The following GPATCH2L variants were observed in gnomAD, a reference collection of about 807,000 sequenced individuals.
The protein encoded by GPATCH2L is G patch domain-containing protein 2-like.
GPATCH2L carries 31 observed loss-of-function variants against 57.4 expected under a neutral mutation model. That is an observed-to-expected ratio of 0.54 (90% confidence interval 0.41 to 0.73). The LOEUF (loss-of-function observed/expected upper bound fraction) is 0.73, where lower values mean the gene tolerates loss of function less well. Ranked by LOEUF, GPATCH2L falls within the 30% of genes least tolerant of loss-of-function variation. The pLI, the probability that GPATCH2L is intolerant of heterozygous loss-of-function variation, is 0.00. For synonymous variants in GPATCH2L, 199 were observed against 210.7 expected (o/e 0.94, Z 0.48); for missense variants, 481 against 599.9 (o/e 0.80, Z 2.07).
Position 76,213,316 on chromosome 14 carries a change from A to C in GPATCH2L, c.*11465A>C, listed in dbSNP as rs569141812. ...GGATTAAATGGATAATTTTCCAGGAAGGTATAGTTTGCCAAAAAATGACAT... is the reference window on the plus strand; with the variant it reads ...GGATTAAATGGATAATTTTCCAGGACGGTATAGTTTGCCAAAAAATGACAT... On this transcript the variant is annotated 3_prime_UTR_variant, in exon 10 of 10. Coordinates refer to ENST00000261530, the MANE Select transcript of GPATCH2L (RefSeq NM_017926.4). The C allele has an allele frequency of 1.3e-5, 2 of 152,310 alleles. No individual in the cohort carries two copies. Among genetic ancestry groups the C allele is most frequent in the African/African-American group, 4.8e-5 (2 of 41,576 alleles). 9.4% of individuals were successfully genotyped at this position (152,310 alleles called of 1,614,324 possible).
Position 76,207,069 on chromosome 14 carries a change from C to T in GPATCH2L, c.*5218C>T, listed in dbSNP as rs2040387229. On this transcript the variant is annotated 3_prime_UTR_variant, in exon 10 of 10. Transcript: ENST00000261530. Reference sequence around the variant, plus strand: ...GTGACTCACGCCCATAATCCCAACACTTTGGGAGGCCAGGGCGGGAGGATT... The same window carrying T: ...GTGACTCACGCCCATAATCCCAACATTTTGGGAGGCCAGGGCGGGAGGATT... The T allele has an allele frequency of 6.6e-6, 1 of 152,280 alleles. No homozygotes were observed. Among genetic ancestry groups the T allele is most frequent in the Non-Finnish European group, 1.5e-5 (1 of 68,088 alleles). 9.4% of individuals were successfully genotyped at this position (152,280 alleles called of 1,614,324 possible).
chr14:76,179,261 G>C (rs2039465788), intron 7 of GPATCH2L: 1 of 152,152 alleles, frequency 6.6e-6, no homozygotes, highest in Non-Finnish European at 1.5e-5. Flanking sequence ...GTGTACATTG[G>C]AAAAGATGTA....
At position 76,195,815 on chromosome 14, in the gene GPATCH2L, A is replaced by C; in HGVS notation, c.1194-63A>C. 3.3e-6 allele frequency: 4 copies of C among 1,215,780 alleles called. No individual in the cohort carries two copies. The South Asian group carries it at 3.6e-5, about 11-fold the overall frequency. 75.3% of individuals were successfully genotyped at this position (1,215,780 alleles called of 1,614,324 possible). ...AGGTTAAGGATTTAATCTGGGCTAC[A>C]TGTAATGTCTTACAATAAGAATTAA... On this transcript the variant is annotated intron_variant, in intron 8 of 9. Transcript: ENST00000261530.
intron 3 of GPATCH2L, among the ~76,000 whole-genome samples, chr14:76,169,505 C>T (rs771425314): frequency 3.9e-5 from 6 of 152,122 alleles, no homozygotes; most frequent in Non-Finnish European, 8.8e-5. Context: ...GTCAGGAGCC[C>T]GATCCACCTA....
chr14:76,159,742 A>ATAAC (rs1226642143), intron 2 of GPATCH2L, among the ~76,000 whole-genome samples: 1 of 152,140 alleles, frequency 6.6e-6, no homozygotes, highest in African/African-American at 2.4e-5. Flanking sequence ...TCAATACCCT[A>ATAAC]TAACTGCTTC....
At chr14:76,178,302 C>G in intron 7 of GPATCH2L, 2 of 1,378,960 alleles carry the variant, frequency 1.5e-6, no homozygotes, top group Non-Finnish European at 1.9e-6. Flanking sequence ...TATGTTGAAG[C>G]CTAAACGTAT....
chr14:76,172,005 G>C lies in GPATCH2L; in HGVS notation c.890G>C (p.Arg297Pro), dbSNP rs773988561. The C allele has an allele frequency of 1.9e-6, 3 of 1,608,226 alleles. No homozygotes were observed. In the South Asian group the frequency reaches 3.3e-5, roughly 18 times the overall value. The change falls in exon 4 of 10, where the codon CGG becomes CCG. Residue 297 changes from arginine (R) to proline (P), a missense_variant. Transcript: ENST00000261530. ...FSDSTFLLPS[R>P]PAQRGYHTRL... ...GATTCCACATTCCTTTTACCTTCTC[G>C]GCCAGCTCAAAGAGGTGAGTTCTGA...
chr14:76,194,588 T>G (rs2040088874), intron 8 of GPATCH2L, among the ~76,000 whole-genome samples: 1 of 152,124 alleles, frequency 6.6e-6, no homozygotes, highest in East Asian at 1.9e-4. Flanking sequence ...TCAAAAAATT[T>G]GTCCATTCAA....
rs2040372304 is a variant in GPATCH2L, at chr14:76,206,049, T to G, written c.*4198T>G. ...GGCATGGCTTGGAGGACGTCATGGT[T>G]CATGCGATGGTTGGAGGGATGGTAA... On this transcript the variant is annotated 3_prime_UTR_variant, in exon 10 of 10. Transcript: ENST00000261530. 1 of 152,534 alleles carries G rather than the reference T, an allele frequency of 6.6e-6. No homozygotes were observed. The highest frequency in any genetic ancestry group is 1.5e-5 in the Non-Finnish European group (1 of 68,146). 9.4% of individuals were successfully genotyped at this position (152,534 alleles called of 1,614,324 possible). A position where few individuals can be genotyped will look rare whatever the true frequency, so the allele number is the denominator to read the frequency against.
At chr14:76,183,716 T>C (rs1166275107) in intron 8 of GPATCH2L, among the ~76,000 whole-genome samples, 2 of 152,220 alleles carry the variant, frequency 1.3e-5, no homozygotes, top group Non-Finnish European at 2.9e-5. Context: ...GTCACTCCTT[T>C]GTAATCGTTC....
chr14:76,220,718 G>T (rs1191981198), intron 1 of GPATCH2L, among the ~76,000 whole-genome samples: 2 of 152,056 alleles, frequency 1.3e-5, no homozygotes, highest in South Asian at 2.1e-4. Context: ...AAATTCCAAA[G>T]GGTAAATCAC....
At chr14:76,223,786 A>G (rs1172084553) in intron 1 of GPATCH2L, among the ~76,000 whole-genome samples, 2 of 152,208 alleles carry the variant, frequency 1.3e-5, no homozygotes, top group Non-Finnish European at 2.9e-5. Flanking sequence ...TCGAGTAAGC[A>G]TTTCTCCAGA....
intron 8 of GPATCH2L, among the ~76,000 whole-genome samples, chr14:76,190,319 A>G (rs2039920981): frequency 6.6e-6 from 1 of 152,108 alleles, no homozygotes; most frequent in African/African-American, 2.4e-5. Flanking sequence ...CACACTTGTA[A>G]TAACAATTTA....
Position 76,154,544 on chromosome 14 carries a change from T to C in GPATCH2L, c.181T>C (p.Tyr61His), listed in dbSNP as rs751640704. 8 of 1,614,106 alleles carry C rather than the reference T, an allele frequency of 5.0e-6. No individual in the cohort carries two copies. The highest frequency in any genetic ancestry group is 2.2e-5 in the East Asian group (1 of 44,896). The change falls in exon 2 of 10, where the codon TAC (tyrosine) becomes CAC (histidine). Residue 61 changes from tyrosine to histidine, a missense_variant. Tyr to His is a moderately conservative substitution (Grantham distance 83). Around this residue, in one of 3 missense-constraint regions of GPATCH2L, gnomAD observed 208 missense variants for 272.4 expected, o/e 0.76. Transcript: ENST00000261530. This position sits in a 1 kb window ranked among gnomAD's most constrained non-coding sequence, Gnocchi z 4.4. The part of the protein sequence containing the change: ...FTHLAEHTCC[Y>H]SEASESSLDE... Reference sequence around the variant, plus strand: ...TCACCTGGCAGAGCATACCTGCTGCTACAGCGAGGCCTCTGAGTCAAGTCT... The same window carrying C: ...TCACCTGGCAGAGCATACCTGCTGCCACAGCGAGGCCTCTGAGTCAAGTCT...
At chr14:76,201,643 A>G in intron 9 of GPATCH2L, 48 bp from the exon 10 acceptor site, 1 of 1,434,032 alleles carries the variant, frequency 7.0e-7, no homozygotes, top group Non-Finnish European at 9.4e-7. Context: ...TCTTATTCTA[A>G]TTTATCTCCC....
At chr14:76,174,003 T>A (rs2139674218) in intron 5 of GPATCH2L, 1 of 267,446 alleles carries the variant, frequency 3.7e-6, no homozygotes, top group East Asian at 6.7e-5. Context: ...CTTTGTTCTT[T>A]CCTAATTTTG....
At chr14:76,234,330 CT>C (rs1427191147) in intron 2 of GPATCH2L, among the ~76,000 whole-genome samples, 2 of 152,154 alleles carry the variant, frequency 1.3e-5, no homozygotes, top group Non-Finnish European at 2.9e-5. Flanking sequence ...GGCAGACAGA[CT>C]TTAAGGTGTC....
chr14:76,185,330 G>A (rs964360551), intron 8 of GPATCH2L, among the ~76,000 whole-genome samples: 11 of 152,224 alleles, frequency 7.2e-5, no homozygotes, highest in African/African-American at 2.7e-4. Context: ...CGTTCTGGTA[G>A]AGGCAGTGGT....
intron 8 of GPATCH2L, among the ~76,000 whole-genome samples, chr14:76,195,049 A>G (rs896128021): frequency 6.6e-6 from 1 of 152,172 alleles, no homozygotes; most frequent in Non-Finnish European, 1.5e-5. Flanking sequence ...TTCATGGTAG[A>G]TGAGGCCCCA....
Sources: allele counts gnomAD v4.1 joint callset (sites outside exome capture counted in the v4.1 genomes callset), GRCh38; gene constraint gnomAD v4.1.1; regional missense constraint gnomAD v4.1.1; non-coding constraint Gnocchi (gnomAD v3.1); transcripts MANE v1.5; gene names NCBI Gene and HGNC (gene_info 2026-07-23, HGNC 2026-07-21).